The following RFX2 variants were observed in gnomAD, a reference collection of about 807,000 sequenced individuals.
RFX2 encodes DNA-binding protein RFX2.
RFX2 carries 20 observed loss-of-function variants against 87.8 expected under a neutral mutation model. The observed-to-expected ratio is 0.23, with a 90% CI of 0.16 to 0.33. RFX2 has a LOEUF of 0.33. Among genes scored for constraint, RFX2 ranks in the 10% least tolerant of loss-of-function variants. RFX2 has a pLI of 1.00. For missense variants in RFX2, 767 were observed against 1,012.3 expected (o/e 0.76, Z 3.29); for synonymous variants, 397 against 431.3 (o/e 0.92, Z 0.98).
chr19:6,034,139 G>A (rs533601481), intron 5 of RFX2, among the ~76,000 whole-genome samples: 12 of 152,098 alleles, frequency 7.9e-5, no homozygotes, highest in Admixed American at 2.0e-4. Context: ...GCACCATCAC[G>A]GCTCACTGCA....
rs543948171 is a variant in RFX2 at position 6,042,113 on chromosome 19, A to C, written c.191T>G (p.Val64Gly). 4 of 1,613,734 alleles carry C rather than the reference A, an allele frequency of 2.5e-6. No individual in the cohort carries two copies. Among genetic ancestry groups the C allele is most frequent in the Non-Finnish European group, 3.4e-6 (4 of 1,179,916 alleles). The part of the protein sequence containing the change: ...VQQVPQQVQP[V>G]QHVYPAQVQY... ...CACCTGGGCAGGATACACGTGCTGC[A>C]CCGGCTGCACCTGAAACATCGGATA... The change falls in exon 4 of 18, where the codon GTG (valine) becomes GGG (glycine). Residue 64 changes from valine to glycine, a missense_variant. Physicochemically the swap from Val to Gly is moderately radical, Grantham distance 109. This residue lies in a region of RFX2 where 146 missense variants were observed against 139.2 expected (regional missense o/e 1.05). Coordinates refer to ENST00000303657, the MANE Select transcript of RFX2 (RefSeq NM_000635.4).
intron 1 of RFX2, among the ~76,000 whole-genome samples, chr19:6,095,850 T>C (rs1043922960): frequency 4.6e-5 from 7 of 152,116 alleles, no homozygotes; most frequent in African/African-American, 1.4e-4. Flanking sequence ...TTTGAAGTGG[T>C]TAGAAAAAAA....
At position 5,993,224 on chromosome 19, in the gene RFX2, C is replaced by T. The variant is rs1436160461; in HGVS notation, c.*1611G>A. On this transcript the variant is annotated 3_prime_UTR_variant, in exon 18 of 18. Transcript: ENST00000303657. ...TGAGGAAAAGCCGGGCATTACAATC[C>T]GTTAACTGTGAGCTTCAGTGTCTCC... The T allele has an allele frequency of 2.0e-5, 3 of 152,202 alleles. No homozygotes were observed. The highest frequency in any genetic ancestry group is 3.9e-4 in the East Asian group (2 of 5,194). 9.4% of individuals were successfully genotyped at this position (152,202 alleles called of 1,614,324 possible).
In RFX2 at chr19:6,110,466, T is replaced by TTACCA. The variant is rs2088289054; in HGVS notation, c.-83_-82insTGGTA. On this transcript the variant is annotated 5_prime_UTR_variant, in exon 1 of 18. Transcript: ENST00000303657. This position sits in a 1 kb window ranked among gnomAD's most constrained non-coding sequence, Gnocchi z 4.3. ...GCGGCTGCTGCGTGTTGGTCCCCGT[T>TTACCA]GGTAAGTAACAGTCTCCACGGCTAC... The TTACCA allele has an allele frequency of 6.5e-6, 1 of 153,248 alleles. No homozygotes were observed. Among genetic ancestry groups the TTACCA allele is most frequent in the Non-Finnish European group, 1.5e-5 (1 of 68,480 alleles). The allele number at this position is 153,248 out of a possible 1,614,324, so 9.5% of individuals were successfully genotyped here.
At chr19:6,054,134 C>G (rs2087300410) in intron 1 of RFX2, among the ~76,000 whole-genome samples, 1 of 151,838 alleles carries the variant, frequency 6.6e-6, no homozygotes, top group Non-Finnish European at 1.5e-5. Context: ...CAACTTTAGC[C>G]CATAAATTCA....
Position 6,047,387 on chromosome 19 carries a change from TG to T in RFX2, c.90+19del. The T allele has an allele frequency of 3.8e-6, 6 of 1,593,674 alleles. No homozygotes were observed. Among genetic ancestry groups the T allele is most frequent in the Non-Finnish European group, 3.4e-6 (4 of 1,169,718 alleles). ...GTCCACACTGTGGCCACCCTGTTGT[TG>T]CTGAGAGGCGCGCGTTACCTGCGGG... On this transcript the variant is annotated intron_variant, in intron 2 of 17. Coordinates refer to ENST00000303657, the MANE Select transcript of RFX2 (RefSeq NM_000635.4). The surrounding 1 kb of genome is among the most constrained non-coding windows in gnomAD (Gnocchi z 4.2).
In RFX2 at chr19:6,024,949, G is replaced by A. The variant is rs897362851; in HGVS notation, c.597+1214C>T. 2.6e-5 allele frequency among the ~76,000 whole-genome samples: 4 copies of A among 152,002 alleles called. No individual in the cohort carries two copies. The highest frequency in any genetic ancestry group is 2.0e-4 in the Admixed American group (3 of 15,246). The stretch of plus-strand genomic sequence containing the variant: ...GGACGGGAGTCAGGACGGGATCACG[G>A]TGAGGACGGGAGTCAGGACGGGATC... On this transcript the variant is annotated intron_variant, in intron 6 of 17. Coordinates refer to ENST00000303657, the MANE Select transcript of RFX2 (RefSeq NM_000635.4). This position sits in a 1 kb window ranked among gnomAD's most constrained non-coding sequence, Gnocchi z 5.0.
At position 6,045,415 on chromosome 19, in the gene RFX2, G is replaced by C. The variant is rs2087172845; in HGVS notation, c.91-1133C>G. 6.6e-6 allele frequency among the ~76,000 whole-genome samples: 1 copy of C among 152,170 alleles called. No homozygotes were observed. Among genetic ancestry groups the C allele is most frequent in the Non-Finnish European group, 1.5e-5 (1 of 68,040 alleles). ...CCTAGGCCTGGGAGAGCCTGAGAGA[G>C]GGGCTTGGCAGGAAGACCTGAGGGC... is the stretch of plus-strand genomic sequence containing the variant. On this transcript the variant is annotated intron_variant, in intron 2 of 17. Coordinates refer to ENST00000303657, the MANE Select transcript of RFX2 (RefSeq NM_000635.4). This position sits in a 1 kb window ranked among gnomAD's most constrained non-coding sequence, Gnocchi z 5.2.
At chr19:5,995,813 G>C (rs2086398870) in intron 16 of RFX2, among the ~76,000 whole-genome samples, 170 bp from the exon 17 acceptor site, 1 of 152,190 alleles carries the variant, frequency 6.6e-6, no homozygotes, top group South Asian at 2.1e-4. Context: ...GTCTGGGTGG[G>C]TCCCTGTGCC....
intron 17 of RFX2, 29 bp downstream of exon 17, chr19:5,995,572 C>T (rs1366374982): frequency 7.1e-6 from 11 of 1,550,070 alleles, no homozygotes; most frequent in South Asian, 1.2e-5. Context: ...CTGGGAGGGT[C>T]GTGGTGGGAA....
intron 1 of RFX2, among the ~76,000 whole-genome samples, chr19:6,107,188 C>T (rs185266474): frequency 1.5e-4 from 23 of 152,118 alleles, no homozygotes; most frequent in Admixed American, 3.3e-4. Context: ...CCCAGCTATT[C>T]GGGAGGCTGA....
chr19:5,996,133 A>G (rs891026526), intron 16 of RFX2, among the ~76,000 whole-genome samples: 1 of 151,924 alleles, frequency 6.6e-6, no homozygotes, highest in African/African-American at 2.4e-5. Context: ...CTGGGTAGTA[A>G]GAGTGCAGGG....
intron 1 of RFX2, among the ~76,000 whole-genome samples, chr19:6,070,478 T>A (rs1222201560): frequency 6.6e-6 from 1 of 151,986 alleles, no homozygotes; most frequent in Non-Finnish European, 1.5e-5. Flanking sequence ...GGGCCTCCAC[T>A]CTCAGCAGGG....
intron 4 of RFX2, 136 bp downstream of exon 4, chr19:6,041,908 A>G (rs905565406): frequency 2.6e-5 from 19 of 744,500 alleles, no homozygotes; most frequent in Non-Finnish European, 4.6e-5. Context: ...CCAGTTTCCT[A>G]ATAGCATTTT....
At chr19:6,088,695 G>A (rs74561304) in intron 1 of RFX2, among the ~76,000 whole-genome samples, 2,111 of 152,234 alleles carry the variant, frequency 0.014, 55 homozygotes, top group African/African-American at 0.048. Context: ...AAGAGCCTAA[G>A]GGGTTTTATA....
In RFX2 at chr19:6,047,658, C is replaced by A. The variant is rs1311026057; in HGVS notation, c.-8-154G>T. ...CTGGTGGTACTGCCTAAGTGAGGAG[C>A]TGCGGAAACAGGCTGCACAACTGTC... On this transcript the variant is annotated intron_variant, in intron 1 of 17. Transcript: ENST00000303657. The surrounding 1 kb of genome is among the most constrained non-coding windows in gnomAD (Gnocchi z 4.2). 1.3e-5 allele frequency among the ~76,000 whole-genome samples: 2 copies of A among 152,196 alleles called. No homozygotes were observed. Among genetic ancestry groups the A allele is most frequent in the Non-Finnish European group, 2.9e-5 (2 of 68,028 alleles).
chr19:6,105,840 C>T (rs909724381), intron 1 of RFX2, among the ~76,000 whole-genome samples: 29 of 152,022 alleles, frequency 1.9e-4, no homozygotes, highest in Non-Finnish European at 1.5e-4. Context: ...TATGTACCAA[C>T]GAGTTTGGGG....
chr19:5,996,905 G>A (rs1271331469), intron 16 of RFX2, among the ~76,000 whole-genome samples, 155 bp downstream of exon 16: 1 of 152,218 alleles, frequency 6.6e-6, no homozygotes, highest in Non-Finnish European at 1.5e-5. Context: ...GGGTGGGCCC[G>A]TTTCTGTGGC....
chr19:6,077,244 A>C (rs545297518), intron 1 of RFX2: 1 of 152,334 alleles, frequency 6.6e-6, no homozygotes, highest in East Asian at 1.9e-4. Flanking sequence ...CTATGCCGCA[A>C]GTTTCTGGGG....
Sources: allele counts gnomAD v4.1 joint callset (sites outside exome capture counted in the v4.1 genomes callset), GRCh38; gene constraint gnomAD v4.1.1; regional missense constraint gnomAD v4.1.1; non-coding constraint Gnocchi (gnomAD v3.1); transcripts MANE v1.5; gene names NCBI Gene and HGNC (gene_info 2026-07-23, HGNC 2026-07-21).